The following SOX5 variants were observed in gnomAD, a reference collection of about 807,000 sequenced individuals.
SOX5 encodes transcription factor SOX-5.
Under a neutral mutation model 92.0 loss-of-function variants are expected in SOX5, and 9 were observed. That is an observed-to-expected ratio of 0.10 (90% confidence interval 0.06 to 0.17). SOX5 has a LOEUF of 0.17. SOX5 is among the 10% of genes least tolerant of loss of function. The pLI is 1.00. For synonymous variants in SOX5, 344 were observed against 336.3 expected (o/e 1.02, Z -0.25); for missense variants, 642 against 944.5 (o/e 0.68, Z 4.20).
intron 4 of SOX5, among the ~76,000 whole-genome samples, chr12:24,192,024 T>C (rs576880966): frequency 2.0e-5 from 3 of 152,264 alleles, no homozygotes; most frequent in Non-Finnish European, 4.4e-5. Context: ...GTGATAAAAG[T>C]ACTATATTCT....
At chr12:23,762,114 A>T (rs143915351) in intron 3 of SOX5, among the ~76,000 whole-genome samples, 1 of 152,302 alleles carries the variant, frequency 6.6e-6, no homozygotes, top group East Asian at 1.9e-4. Flanking sequence ...GCACAGTTTA[A>T]GTAATATTGA....
intron 6 of SOX5, among the ~76,000 whole-genome samples, chr12:23,666,256 CT>C (rs2083784729): frequency 6.6e-6 from 1 of 152,046 alleles, no homozygotes; most frequent in Non-Finnish European, 1.5e-5. Flanking sequence ...GCATCTATCC[CT>C]TTTGAAGCAA....
At chr12:24,334,227 TAAAG>T (rs1353901425) in intron 2 of SOX5, among the ~76,000 whole-genome samples, 5 of 151,978 alleles carry the variant, frequency 3.3e-5, no homozygotes, top group African/African-American at 9.7e-5. Context: ...CAGAATAAGT[TAAAG>T]AAATAATATA....
intron 4 of SOX5, among the ~76,000 whole-genome samples, chr12:24,031,095 G>C (rs891815910): frequency 6.6e-6 from 1 of 151,744 alleles, no homozygotes; most frequent in African/African-American, 2.4e-5. Flanking sequence ...CTGTTGGTGG[G>C]AATGTATATT....
At chr12:24,140,213 T>TACAC (rs1295068352) in intron 4 of SOX5, among the ~76,000 whole-genome samples, 1 of 152,214 alleles carries the variant, frequency 6.6e-6, no homozygotes, top group East Asian at 1.9e-4. Flanking sequence ...CGATCATACA[T>TACAC]ACACCGTCAA....
intron 2 of SOX5, among the ~76,000 whole-genome samples, chr12:23,874,697 A>C (rs1053806889): frequency 6.6e-6 from 1 of 152,196 alleles, no homozygotes; most frequent in African/African-American, 2.4e-5. Flanking sequence ...GAGGCACAGG[A>C]TGAGGTCATG....
chr12:23,999,694 A>G (rs1191029095), intron 4 of SOX5, among the ~76,000 whole-genome samples: 1 of 152,106 alleles, frequency 6.6e-6, no homozygotes, highest in Non-Finnish European at 1.5e-5. Flanking sequence ...AATTACATAA[A>G]GCAATAATTA....
upstream of SOX5, chr12:23,950,984 C>T: frequency 1.4e-6 from 1 of 736,756 alleles, no homozygotes; most frequent in Non-Finnish European, 2.3e-6. Context: ...CATGCACACA[C>T]ACACACACAC....
intron 1 of SOX5, among the ~76,000 whole-genome samples, chr12:24,458,909 C>G (rs775608569): frequency 1.3e-5 from 2 of 152,086 alleles, no homozygotes. Flanking sequence ...AGTACAATCA[C>G]TATAGAAGAG....
chr12:23,588,074 C>T (rs138917439), intron 9 of SOX5, among the ~76,000 whole-genome samples: 44 of 152,082 alleles, frequency 2.9e-4, no homozygotes, highest in African/African-American at 1.0e-3. Flanking sequence ...TAAAGAATTC[C>T]AAGGGGTGAT....
At chr12:23,636,330 G>C (rs1210416580) in intron 8 of SOX5, among the ~76,000 whole-genome samples, 1 of 151,948 alleles carries the variant, frequency 6.6e-6, no homozygotes, top group Non-Finnish European at 1.5e-5. Flanking sequence ...TTTTCTACAT[G>C]AACAATTTTT....
intron 6 of SOX5, among the ~76,000 whole-genome samples, chr12:23,709,994 C>T (rs745690989): frequency 2.0e-5 from 3 of 152,126 alleles, no homozygotes; most frequent in Non-Finnish European, 2.9e-5. Context: ...GCATTTTCCT[C>T]TTATCACATC....
intron 1 of SOX5, among the ~76,000 whole-genome samples, chr12:24,398,275 G>T (rs530086631): frequency 1.3e-5 from 2 of 152,218 alleles, no homozygotes; most frequent in Non-Finnish European, 2.9e-5. Context: ...AGGCCAAGGC[G>T]AGAGTATCAC....
chr12:24,028,609 C>T (rs17403807), intron 4 of SOX5, among the ~76,000 whole-genome samples: 20,060 of 151,798 alleles, frequency 0.13, 1,825 homozygotes, highest in Non-Finnish European at 0.2. Flanking sequence ...TGGATTAGTA[C>T]GGGATGATAA....
intron 3 of SOX5, among the ~76,000 whole-genome samples, chr12:24,244,217 G>C (rs1938133312): frequency 6.6e-6 from 1 of 152,172 alleles, no homozygotes. Context: ...ATTTAGAGTA[G>C]ATCCGCTTAA....
chr12:24,330,499 T>C (rs1263484388), intron 2 of SOX5, among the ~76,000 whole-genome samples: 1 of 152,206 alleles, frequency 6.6e-6, no homozygotes, highest in African/African-American at 2.4e-5. Flanking sequence ...CCTTCATCTC[T>C]TTTGGGTCAA....
intron 3 of SOX5, among the ~76,000 whole-genome samples, chr12:23,837,242 A>G (rs189187355): frequency 5.0e-5 from 4 of 79,788 alleles, no homozygotes; most frequent in Admixed American, 3.2e-4. Flanking sequence ...ATATTTATAT[A>G]ATATATATTT....
intron 1 of SOX5, among the ~76,000 whole-genome samples, chr12:24,467,224 G>A (rs979980336): frequency 3.5e-4 from 54 of 152,274 alleles, no homozygotes; most frequent in African/African-American, 1.1e-3. Flanking sequence ...CATTCAACAA[G>A]CATTTCTTAA....
intron 2 of SOX5, among the ~76,000 whole-genome samples, chr12:23,886,914 A>T (rs2097074087): frequency 6.6e-6 from 1 of 152,154 alleles, no homozygotes; most frequent in Non-Finnish European, 1.5e-5. Flanking sequence ...TTTGAAACAT[A>T]ATTTGGGAAA....
Sources: gnomAD v4.1 joint callset for allele counts (sites outside exome capture counted in the v4.1 genomes callset) on GRCh38, gnomAD v4.1.1 for gene constraint, MANE v1.5 for transcripts, NCBI Gene and HGNC (gene_info 2026-07-23, HGNC 2026-07-21) for gene names.